Variants in NFIB observed in about 807,000 individuals in gnomAD.
NFIB encodes the protein nuclear factor 1 B-type.
In NFIB, 11 loss-of-function variants were observed where a neutral mutation model predicts 61.5. The observed-to-expected ratio is 0.18, with a 90% confidence interval of 0.11 to 0.30. The LOEUF (loss-of-function observed/expected upper bound fraction) is 0.30. NFIB is among the 10% of genes least tolerant of loss of function. The pLI is 1.00. For synonymous variants in NFIB, 260 were observed against 216.5 expected, an observed-to-expected ratio of 1.20 and a Z score of -1.76; for missense variants, 471 against 608.9, an observed-to-expected ratio of 0.77 and a Z score of 2.38.
At chr9:14,205,973 T>A (rs1002613467) in intron 2 of NFIB, among the ~76,000 whole-genome samples, 1 of 152,044 alleles carries the variant, frequency 6.6e-6, no homozygotes, top group Admixed American at 6.6e-5. Flanking sequence ...TGGACCTTTT[T>A]ACAGCAGAAT....
At chr9:14,310,643 G>A (rs1478728920) in intron 1 of NFIB, among the ~76,000 whole-genome samples, 1 of 152,070 alleles carries the variant, frequency 6.6e-6, no homozygotes, top group Non-Finnish European at 1.5e-5. Context: ...TTTAAAAAAA[G>A]CAAAACATAT....
intron 2 of NFIB, among the ~76,000 whole-genome samples, chr9:14,210,854 G>C (rs146845942): frequency 6.6e-6 from 1 of 152,244 alleles, no homozygotes; most frequent in Non-Finnish European, 1.5e-5. Flanking sequence ...AATTTCATTT[G>C]TGTCAGTGCT....
the NFIB span, among the ~76,000 whole-genome samples, chr9:14,404,618 T>C: frequency 6.6e-6 from 1 of 152,320 alleles, no homozygotes; most frequent in Admixed American, 6.5e-5. Flanking sequence ...CAGCTCCCTG[T>C]AGAAGCTAAA....
intron 8 of NFIB, among the ~76,000 whole-genome samples, chr9:14,117,158 G>A (rs2119103847): frequency 6.6e-6 from 1 of 152,306 alleles, no homozygotes; most frequent in South Asian, 2.1e-4. Context: ...TGTTATTTGA[G>A]TTACTCTTAC....
chr9:14,256,163 A>G (rs1486241663), intron 2 of NFIB, among the ~76,000 whole-genome samples: 2 of 152,198 alleles, frequency 1.3e-5, no homozygotes, highest in African/African-American at 4.8e-5. Context: ...CTCTCCCTCT[A>G]ACAATATTCA....
chr9:14,378,830 G>A (rs1035546040), intron 1 of NFIB, among the ~76,000 whole-genome samples: 4 of 151,466 alleles, frequency 2.6e-5, no homozygotes, highest in Admixed American at 6.6e-5. Flanking sequence ...CCCACCCTCC[G>A]GCCCTACAGA....
chr9:14,271,834 G>A (rs893629792), intron 2 of NFIB, among the ~76,000 whole-genome samples: 1 of 152,292 alleles, frequency 6.6e-6, no homozygotes, highest in East Asian at 1.9e-4. Flanking sequence ...CACAATGAAC[G>A]TGACCCTGTG....
chr9:14,526,935 A>G, the NFIB span, among the ~76,000 whole-genome samples: 1 of 152,182 alleles, frequency 6.6e-6, no homozygotes, highest in Non-Finnish European at 1.5e-5. Context: ...TAAATTAATA[A>G]CCATCTAATC....
chr9:14,501,232 T>C, the NFIB span, among the ~76,000 whole-genome samples: 5 of 152,202 alleles, frequency 3.3e-5, no homozygotes, highest in Non-Finnish European at 7.3e-5. Context: ...ATCTGCCCTC[T>C]CTTTCCGCTC....
the NFIB span, among the ~76,000 whole-genome samples, chr9:14,471,275 T>C: frequency 1.3e-5 from 2 of 152,338 alleles, no homozygotes; most frequent in East Asian, 3.9e-4. Flanking sequence ...ACATGAAGTC[T>C]GGATGAAAGG....
chr9:14,333,597 A>C (rs2060847779), intron 1 of NFIB, among the ~76,000 whole-genome samples: 1 of 152,212 alleles, frequency 6.6e-6, no homozygotes, highest in African/African-American at 2.4e-5. Context: ...TCACTTCAGC[A>C]GCCTTGGCCT....
intron 1 of NFIB, among the ~76,000 whole-genome samples, chr9:14,356,037 A>G (rs923988215): frequency 6.6e-6 from 1 of 151,920 alleles, no homozygotes. Flanking sequence ...GCATTTTTGC[A>G]TTGCACTGGT....
intron 2 of NFIB, among the ~76,000 whole-genome samples, chr9:14,266,437 A>G (rs902031754): frequency 6.6e-6 from 1 of 151,908 alleles, no homozygotes; most frequent in African/African-American, 2.4e-5. Flanking sequence ...AGAAAAAAAA[A>G]ATTTTTAAAT....
At chr9:14,430,336 C>A in the NFIB span, among the ~76,000 whole-genome samples, 1 of 151,798 alleles carries the variant, frequency 6.6e-6, no homozygotes, top group Non-Finnish European at 1.5e-5. Flanking sequence ...CTTCTTCTTG[C>A]CATGGTAGTT....
At chr9:14,417,772 CA>C in the NFIB span, among the ~76,000 whole-genome samples, 1 of 122,656 alleles carries the variant, frequency 8.2e-6, no homozygotes, top group Non-Finnish European at 1.7e-5. Flanking sequence ...GGCCTAGGAA[CA>C]GTTTTTTTTT....
chr9:14,301,286 T>C (rs2059735036), intron 2 of NFIB, among the ~76,000 whole-genome samples: 1 of 152,170 alleles, frequency 6.6e-6, no homozygotes, highest in South Asian at 2.1e-4. Context: ...TTACCACGAT[T>C]CTCGAACAAT....
intron 2 of NFIB, among the ~76,000 whole-genome samples, chr9:14,209,595 A>G (rs919798648): frequency 4.6e-5 from 7 of 152,254 alleles, no homozygotes; most frequent in African/African-American, 1.7e-4. Flanking sequence ...ATGAAACAGC[A>G]GGCAGCCTGT....
At chr9:14,190,922 G>A (rs1200165775) in intron 2 of NFIB, among the ~76,000 whole-genome samples, 1 of 152,178 alleles carries the variant, frequency 6.6e-6, no homozygotes, top group Non-Finnish European at 1.5e-5. Context: ...GCCAGGCACG[G>A]TGGCATATGC....
At chr9:14,403,964 T>C (rs2061766878), upstream of NFIB, among the ~76,000 whole-genome samples, 1 of 152,110 alleles carries the variant, frequency 6.6e-6, no homozygotes, top group Non-Finnish European at 1.5e-5. Flanking sequence ...TGAATCTCTT[T>C]GGATAAAAAA....
Sources: gnomAD v4.1 joint callset for allele counts (sites outside exome capture counted in the v4.1 genomes callset) on GRCh38, gnomAD v4.1.1 for gene constraint, MANE v1.5 for transcripts, NCBI Gene and HGNC (gene_info 2026-07-23, HGNC 2026-07-21) for gene names.